The following GRIK5 variants were observed in gnomAD, a reference collection of about 807,000 sequenced individuals.
GRIK5 encodes the protein glutamate receptor ionotropic, kainate 5.
In GRIK5, 43 loss-of-function variants were observed where a neutral mutation model predicts 97.4. The ratio of observed to expected loss-of-function variants is 0.44; its 90% CI spans 0.35 to 0.57. GRIK5 has a LOEUF of 0.57. Among genes scored for constraint, GRIK5 ranks in the 20% least tolerant of loss-of-function variants. The pLI, the probability that GRIK5 is intolerant of heterozygous loss-of-function variation, is 0.01. For synonymous variants in GRIK5, 580 were observed against 583.5 expected (o/e 0.99, Z 0.09); for missense variants, 1,015 against 1,382.0 (o/e 0.73, Z 4.21).
chr19:42,036,185 G>C (rs1162786901), intron 12 of GRIK5, among the ~76,000 whole-genome samples: 1 of 151,168 alleles, frequency 6.6e-6, no homozygotes, highest in Non-Finnish European at 1.5e-5. Flanking sequence ...TCAGCCTCCT[G>C]AGTAGCTGGG....
At chr19:42,010,979 T>A (rs1409520270) in intron 15 of GRIK5, among the ~76,000 whole-genome samples, 2 of 151,926 alleles carry the variant, frequency 1.3e-5, no homozygotes, top group East Asian at 3.9e-4. Flanking sequence ...CTAATGTTTC[T>A]TAGTTTTTGT....
At chr19:42,048,194 C>G (rs1339236837) in intron 11 of GRIK5, among the ~76,000 whole-genome samples, 1 of 152,080 alleles carries the variant, frequency 6.6e-6, no homozygotes, top group African/African-American at 2.4e-5. Flanking sequence ...ATGAAGAGAA[C>G]TTTGGTAAAA....
rs561619823 is a variant in GRIK5, at chr19:42,065,648, C to G, written c.79+44G>C. 8.1e-6 allele frequency: 12 copies of G among 1,481,360 alleles called. No individual in the cohort carries two copies. The Admixed American group carries it at 2.4e-4, about 30-fold the overall frequency. The allele number at this position is 1,481,360 out of a possible 1,614,324, so 91.8% of individuals were successfully genotyped here. On this transcript the variant is annotated intron_variant, in intron 2 of 19. Transcript: ENST00000593562. This position sits in a 1 kb window ranked among gnomAD's most constrained non-coding sequence, Gnocchi z 5.8. The stretch of plus-strand genomic sequence containing the variant: ...GGCATGCCTGGGTCCCCAGAGGAGC[C>G]CCAGGGCCTGAGGATGCAGGGGCAG...
rs1482455076 is a variant in GRIK5, at chr19:42,062,388, G to T, written c.508+100C>A. ...AGAGCCTGGTGCCTGGGTGCCCCAG[G>T]GTTCTAACTAGGGGGCAGTGAACCA... On this transcript the variant is annotated intron_variant, in intron 5 of 19. Coordinates refer to ENST00000593562, the MANE Select transcript of GRIK5 (RefSeq NM_002088.5). The surrounding 1 kb of genome is among the most constrained non-coding windows in gnomAD (Gnocchi z 5.3). 1 of 1,229,968 alleles carries T rather than the reference G, an allele frequency of 8.1e-7. No individual in the cohort carries two copies. The highest frequency in any genetic ancestry group is 1.5e-5 in the African/African-American group (1 of 66,636). The allele number at this position is 1,229,968 out of a possible 1,614,324, so 76.2% of individuals were successfully genotyped here. A position where few individuals can be genotyped will look rare whatever the true frequency, so the allele number is the denominator to read the frequency against.
intron 5 of GRIK5, 54 bp from the exon 6 acceptor site, chr19:42,059,581 C>G: frequency 2.7e-6 from 4 of 1,456,944 alleles, no homozygotes; most frequent in Non-Finnish European, 3.8e-6. Context: ...CCAGGCATGG[C>G]GTAGACACTC....
At chr19:42,030,183 TA>T (rs2075824828) in intron 12 of GRIK5, among the ~76,000 whole-genome samples, 4 of 152,348 alleles carry the variant, frequency 2.6e-5, no homozygotes, top group Admixed American at 2.6e-4. Context: ...GTTTTGTTTT[TA>T]TTTTTGTTTT....
chr19:42,054,295 T>C lies in GRIK5; in HGVS notation c.1056+25A>G, dbSNP rs748504160. On this transcript the variant is annotated intron_variant, in intron 9 of 19. Coordinates refer to ENST00000593562, the MANE Select transcript of GRIK5 (RefSeq NM_002088.5). ...CCTGAGGTGGCCGTGTCCTGCCTCCTCCACCCATCCCCGCTCGGGCTCACC... is the reference window on the plus strand; with the variant it reads ...CCTGAGGTGGCCGTGTCCTGCCTCCCCCACCCATCCCCGCTCGGGCTCACC... The C allele has an allele frequency of 6.3e-6, 10 of 1,594,386 alleles. No homozygotes were observed. In the South Asian group the frequency reaches 1.1e-4, roughly 18 times the overall value.
chr19:42,029,864 A>T lies in GRIK5; in HGVS notation c.1474-7510T>A, dbSNP rs188443574. On this transcript the variant is annotated intron_variant, in intron 12 of 19. Coordinates refer to ENST00000593562, the MANE Select transcript of GRIK5 (RefSeq NM_002088.5). ...CAATGTGGTATGAGTTGCCACCAAA[A>T]TCCAAAAAGTCCACCAAATGTCACA... 3.3e-5 allele frequency among the ~76,000 whole-genome samples: 5 copies of T among 152,200 alleles called. No individual in the cohort carries two copies. In the East Asian group the frequency reaches 9.7e-4, roughly 29 times the overall value.
intron 15 of GRIK5, among the ~76,000 whole-genome samples, chr19:42,020,889 A>C (rs529576908): frequency 2.6e-5 from 4 of 152,026 alleles, no homozygotes; most frequent in Non-Finnish European, 5.9e-5. Flanking sequence ...TCATTCTTTT[A>C]TTTATTTATT....
intron 15 of GRIK5, among the ~76,000 whole-genome samples, chr19:42,015,119 C>T (rs1218482886): frequency 2.0e-5 from 3 of 152,150 alleles, no homozygotes; most frequent in African/African-American, 4.8e-5. Flanking sequence ...GAGTCCTAAA[C>T]ATTTGTGCGC....
intron 12 of GRIK5, among the ~76,000 whole-genome samples, chr19:42,039,106 T>C (rs762941830): frequency 6.6e-6 from 1 of 152,142 alleles, no homozygotes; most frequent in African/African-American, 2.4e-5. Context: ...GCTCATTCCT[T>C]ATCTCCTCAC....
At position 42,003,020 on chromosome 19, in the gene GRIK5, G is replaced by A. The variant is rs577419448; in HGVS notation, c.2514+312C>T. Among the ~76,000 whole-genome samples the A allele has an allele frequency of 1.5e-4, 23 of 152,204 alleles. No individual in the cohort carries two copies. The South Asian group carries it at 4.8e-3, about 32-fold the overall frequency. ...CAAAGTGCTGGGATTACAGGTGTGA[G>A]CCACTGCACTTGGCCCTGTTTCTCT... On this transcript the variant is annotated intron_variant, in intron 19 of 19. Coordinates refer to ENST00000593562, the MANE Select transcript of GRIK5 (RefSeq NM_002088.5). The surrounding 1 kb of genome is among the most constrained non-coding windows in gnomAD (Gnocchi z 4.2).
intron 11 of GRIK5, among the ~76,000 whole-genome samples, chr19:42,043,399 A>ATTTT (rs984583211): frequency 4.9e-5 from 6 of 121,306 alleles, no homozygotes; most frequent in East Asian, 2.3e-4. Context: ...AGATGGTGCA[A>ATTTT]TTTTTTTTTT....
At chr19:42,013,782 T>C (rs1311789013) in intron 15 of GRIK5, among the ~76,000 whole-genome samples, 1 of 152,044 alleles carries the variant, frequency 6.6e-6, no homozygotes, top group Non-Finnish European at 1.5e-5. Flanking sequence ...GATCCCAGCA[T>C]TTCAGGATGC....
At chr19:42,019,793 C>A (rs923375252) in intron 15 of GRIK5, among the ~76,000 whole-genome samples, 2 of 152,180 alleles carry the variant, frequency 1.3e-5, no homozygotes, top group African/African-American at 2.4e-5. Context: ...GGTAAGGAAA[C>A]AGATTCTCCC....
chr19:42,017,919 G>T (rs375545813), intron 15 of GRIK5, among the ~76,000 whole-genome samples: 3 of 152,128 alleles, frequency 2.0e-5, no homozygotes, highest in African/African-American at 7.2e-5. Flanking sequence ...AGCAGGAAGG[G>T]CTCAGAGAAT....
chr19:42,038,279 A>G (rs1599800176), intron 12 of GRIK5, among the ~76,000 whole-genome samples: 1 of 152,144 alleles, frequency 6.6e-6, no homozygotes, highest in Non-Finnish European at 1.5e-5. Flanking sequence ...CACTGGGTGG[A>G]AAAAATGGGT....
chr19:42,013,133 C>T (rs1166524830), intron 15 of GRIK5, among the ~76,000 whole-genome samples: 2 of 149,732 alleles, frequency 1.3e-5, no homozygotes, highest in East Asian at 2.0e-4. Flanking sequence ...GCAGGAAGAT[C>T]GCTTGAGGCC....
intron 12 of GRIK5, among the ~76,000 whole-genome samples, chr19:42,036,244 T>G (rs1014553302): frequency 6.6e-6 from 1 of 152,106 alleles, no homozygotes. Context: ...GTACTTTTAG[T>G]AGAGATGGGG....
Sources: allele counts gnomAD v4.1 joint callset (sites outside exome capture counted in the v4.1 genomes callset), GRCh38; gene constraint gnomAD v4.1.1; non-coding constraint Gnocchi (gnomAD v3.1); transcripts MANE v1.5; gene names NCBI Gene and HGNC (gene_info 2026-07-23, HGNC 2026-07-21).